APBB2: variants seen among roughly 807,000 people sequenced by gnomAD.
APBB2 encodes the protein Fe65-like 1.
APBB2 carries 38 observed loss-of-function variants against 82.5 expected under a neutral mutation model. The observed-to-expected ratio is 0.46, with a 90% confidence interval of 0.36 to 0.60. APBB2 has a LOEUF of 0.60. APBB2 is among the 20% of genes least tolerant of loss of function. The probability of loss-of-function intolerance (pLI) is 0.00; values close to 1 mark genes in which losing one functional copy is unlikely to be tolerated. For missense variants in APBB2, 772 were observed against 972.3 expected, an observed-to-expected ratio of 0.79 and a Z score of 2.74; for synonymous variants, 341 against 368.2, an observed-to-expected ratio of 0.93 and a Z score of 0.85.
chr4:41,126,606 A>G (rs936885564), intron 2 of APBB2, among the ~76,000 whole-genome samples: 5 of 152,218 alleles, frequency 3.3e-5, no homozygotes, highest in African/African-American at 4.8e-5. Context: ...TAGGACTGCC[A>G]TAACAAAGTA....
intron 4 of APBB2, among the ~76,000 whole-genome samples, chr4:41,035,374 A>G (rs150959896): frequency 1.1e-4 from 16 of 152,352 alleles, no homozygotes; most frequent in African/African-American, 2.6e-4. Context: ...TTACTCTGGT[A>G]TAATTAAAAG....
At chr4:41,131,831 G>A (rs1026854442) in intron 2 of APBB2, among the ~76,000 whole-genome samples, 6 of 152,118 alleles carry the variant, frequency 3.9e-5, no homozygotes, top group Non-Finnish European at 7.4e-5. Context: ...CCTGAGGCCA[G>A]GAGTTCAAGA....
intron 6 of APBB2, among the ~76,000 whole-genome samples, chr4:40,974,660 T>C (rs1033900334): frequency 6.6e-5 from 10 of 152,212 alleles, no homozygotes; most frequent in African/African-American, 9.6e-5. Context: ...AATATCTCCA[T>C]GAAGATCTGT....
chr4:40,959,159 A>G (rs1296059114), intron 6 of APBB2, among the ~76,000 whole-genome samples: 1 of 152,186 alleles, frequency 6.6e-6, no homozygotes, highest in African/African-American at 2.4e-5. Flanking sequence ...ACTGCACAAC[A>G]TCATTCAGAG....
chr4:41,209,508 T>C (rs931231307), intron 1 of APBB2, among the ~76,000 whole-genome samples: 8 of 152,146 alleles, frequency 5.3e-5, no homozygotes, highest in Admixed American at 4.6e-4. Flanking sequence ...AGGGCTGCAT[T>C]TCTCATCGAG....
intron 1 of APBB2, among the ~76,000 whole-genome samples, chr4:41,144,115 C>T (rs1239058444): frequency 6.6e-6 from 1 of 152,186 alleles, no homozygotes; most frequent in Non-Finnish European, 1.5e-5. Context: ...GTTATGACGA[C>T]ATCTGTATAT....
At chr4:40,915,178 T>G (rs1378686755) in intron 10 of APBB2, among the ~76,000 whole-genome samples, 1 of 152,236 alleles carries the variant, frequency 6.6e-6, no homozygotes, top group African/African-American at 2.4e-5. Context: ...CTCATCACCA[T>G]GGGCTCCCCC....
intron 6 of APBB2, among the ~76,000 whole-genome samples, chr4:41,004,578 C>T (rs552398949): frequency 4.0e-5 from 6 of 151,302 alleles, no homozygotes; most frequent in Admixed American, 1.3e-4. Flanking sequence ...CGATGGTTCA[C>T]GCCTGTAATC....
chr4:41,098,108 CT>C (rs1327457432), intron 3 of APBB2, among the ~76,000 whole-genome samples: 1 of 151,014 alleles, frequency 6.6e-6, no homozygotes, highest in African/African-American at 2.4e-5. Context: ...ATAACCTTCT[CT>C]TTTTTTAACC....
intron 6 of APBB2, among the ~76,000 whole-genome samples, chr4:40,963,733 G>A (rs573534861): frequency 7.2e-4 from 110 of 152,258 alleles, no homozygotes; most frequent in African/African-American, 2.6e-3. Context: ...GACAATAATC[G>A]CCTATTTTGG....
chr4:40,846,901 A>T (rs1322706340), intron 12 of APBB2, among the ~76,000 whole-genome samples: 1 of 152,212 alleles, frequency 6.6e-6, no homozygotes, highest in Non-Finnish European at 1.5e-5. Flanking sequence ...AGCAAGAATT[A>T]ACGAGCTTCA....
intron 16 of APBB2, chr4:40,822,336 G>A (rs1377834510): frequency 2.9e-6 from 1 of 344,050 alleles, no homozygotes; most frequent in Admixed American, 4.3e-5. Flanking sequence ...TGTGGGGAGG[G>A]ACAGTGCCGT....
At chr4:40,926,695 C>T (rs947651797) in intron 10 of APBB2, among the ~76,000 whole-genome samples, 6 of 152,110 alleles carry the variant, frequency 3.9e-5, no homozygotes, top group African/African-American at 9.7e-5. Context: ...TCAGGTGATC[C>T]GCCACGCCTG....
At chr4:40,849,454 C>T (rs1048349628) in intron 12 of APBB2, among the ~76,000 whole-genome samples, 60 of 152,240 alleles carry the variant, frequency 3.9e-4, no homozygotes, top group African/African-American at 1.4e-3. Context: ...AAATTTCCCT[C>T]GTATATTGAT....
chr4:40,969,121 A>G (rs1795356094), intron 6 of APBB2, among the ~76,000 whole-genome samples: 1 of 152,214 alleles, frequency 6.6e-6, no homozygotes, highest in African/African-American at 2.4e-5. Context: ...TCAACTACCC[A>G]GTCTCAGATA....
Position 40,815,846 on chromosome 4 carries a change from A to G in APBB2, c.*246T>C, listed in dbSNP as rs1338945962. On this transcript the variant is annotated 3_prime_UTR_variant, in exon 18 of 18. Coordinates refer to ENST00000508593, the MANE Select transcript of APBB2 (RefSeq NM_004307.2). ...TTAAGTAATGTTCACAATATTTACA[A>G]TAAGAAAAAGACCTTCCACTGCGCA... is the stretch of plus-strand genomic sequence containing the variant. 8.8e-6 allele frequency: 4 copies of G among 455,976 alleles called. No homozygotes were observed. Among genetic ancestry groups the G allele is most frequent in the South Asian group, 7.8e-5 (2 of 25,652 alleles). 28.2% of individuals were successfully genotyped at this position (455,976 alleles called of 1,614,324 possible).
At position 41,072,053 on chromosome 4, in the gene APBB2, G is replaced by A. The variant is rs537298866; in HGVS notation, c.-148-6380C>T. Reference sequence around the variant, plus strand: ...CACAGGGTGCAATGAGAATCAAAAGGAAGAGACTGCTGAAGTTCTCACAAC... The same window carrying A: ...CACAGGGTGCAATGAGAATCAAAAGAAAGAGACTGCTGAAGTTCTCACAAC... On this transcript the variant is annotated intron_variant, in intron 3 of 17. Coordinates refer to ENST00000508593, the MANE Select transcript of APBB2 (RefSeq NM_004307.2). 5.9e-5 allele frequency among the ~76,000 whole-genome samples: 9 copies of A among 152,268 alleles called. No individual in the cohort carries two copies. In the South Asian group the frequency reaches 8.3e-4, roughly 14 times the overall value.
At chr4:40,922,132 G>A (rs572793062) in intron 10 of APBB2, among the ~76,000 whole-genome samples, 2 of 152,338 alleles carry the variant, frequency 1.3e-5, no homozygotes, top group South Asian at 4.1e-4. Context: ...TTATTTATGT[G>A]TTAGGGCTTA....
intron 10 of APBB2, among the ~76,000 whole-genome samples, chr4:40,896,771 G>A (rs896921894): frequency 1.3e-5 from 2 of 152,094 alleles, no homozygotes; most frequent in Non-Finnish European, 2.9e-5. Flanking sequence ...AAGTGTCCTG[G>A]GTTAGACAAT....
Sources: allele counts gnomAD v4.1 joint callset (sites outside exome capture counted in the v4.1 genomes callset), GRCh38; gene constraint gnomAD v4.1.1; transcripts MANE v1.5; gene names NCBI Gene and HGNC (gene_info 2026-07-23, HGNC 2026-07-21).